The following DEPTOR variants were observed in gnomAD, a reference collection of about 807,000 sequenced individuals.
DEPTOR encodes DEP domain-containing mTOR-interacting protein.
DEPTOR carries 41 observed loss-of-function variants against 41.6 expected under a neutral mutation model. The ratio of observed to expected loss-of-function variants is 0.98; its 90% confidence interval spans 0.77 to 1.28. DEPTOR has a LOEUF of 1.28. Among genes scored for constraint, DEPTOR ranks in the 50% most tolerant of loss-of-function variants. The pLI is 0.00. For synonymous variants in DEPTOR, 195 were observed against 192.3 expected (o/e 1.01, Z -0.12); for missense variants, 514 against 527.9 (o/e 0.97, Z 0.26).
chr8:119,970,219 G>A (rs1828615186), intron 4 of DEPTOR, among the ~76,000 whole-genome samples: 1 of 152,156 alleles, frequency 6.6e-6, no homozygotes, highest in Non-Finnish European at 1.5e-5. Flanking sequence ...CATCTATAAA[G>A]GCATTAGGCT....
chr8:119,971,483 T>C (rs1279013437), intron 4 of DEPTOR, among the ~76,000 whole-genome samples: 1 of 152,150 alleles, frequency 6.6e-6, no homozygotes, highest in Non-Finnish European at 1.5e-5. Flanking sequence ...GTCCATTGGG[T>C]CAGCAGAGCA....
At chr8:120,029,391 A>AT (rs780543759) in intron 8 of DEPTOR, among the ~76,000 whole-genome samples, 1 of 151,604 alleles carries the variant, frequency 6.6e-6, no homozygotes, top group South Asian at 2.1e-4. Flanking sequence ...GTTTTATTTT[A>AT]TTTATTTATT....
chr8:120,034,604 C>T (rs758688519), intron 8 of DEPTOR, among the ~76,000 whole-genome samples: 3 of 151,702 alleles, frequency 2.0e-5, no homozygotes, highest in East Asian at 1.9e-4. Context: ...CCAGCCACCA[C>T]GCCTGGCTAA....
At chr8:119,928,359 GTCA>G in intron 1 of DEPTOR, 38 bp from the exon 2 acceptor site, 1 of 1,595,336 alleles carries the variant, frequency 6.3e-7, no homozygotes, top group Non-Finnish European at 8.6e-7. Context: ...AATTTGTGCT[GTCA>G]TCAGAATTTC....
intron 4 of DEPTOR, among the ~76,000 whole-genome samples, chr8:119,995,766 C>A (rs1812250882): frequency 6.6e-6 from 1 of 152,080 alleles, no homozygotes; most frequent in South Asian, 2.1e-4. Flanking sequence ...ATATTTCAAT[C>A]ACAATGTTAA....
intron 1 of DEPTOR, among the ~76,000 whole-genome samples, chr8:119,878,013 C>G (rs1411403354): frequency 6.6e-6 from 1 of 152,134 alleles, no homozygotes; most frequent in Non-Finnish European, 1.5e-5. Context: ...CTCACCGCAA[C>G]CTCTGCCTCC....
chr8:120,045,101 C>T (rs1449602461), intron 8 of DEPTOR, among the ~76,000 whole-genome samples: 1 of 152,166 alleles, frequency 6.6e-6, no homozygotes, highest in African/African-American at 2.4e-5. Flanking sequence ...GAGATGTGCT[C>T]AGGTGGCAGC....
intron 4 of DEPTOR, among the ~76,000 whole-genome samples, chr8:119,978,698 G>A (rs966931197): frequency 2.6e-5 from 4 of 152,054 alleles, no homozygotes; most frequent in Admixed American, 1.3e-4. Flanking sequence ...TCCTGTCTGG[G>A]ACCCAGGCTC....
At chr8:119,922,096 G>A (rs1448073530) in intron 1 of DEPTOR, among the ~76,000 whole-genome samples, 2 of 151,890 alleles carry the variant, frequency 1.3e-5, no homozygotes, top group Non-Finnish European at 2.9e-5. Flanking sequence ...AAAATTAGCT[G>A]GGCATGGTGG....
intron 8 of DEPTOR, among the ~76,000 whole-genome samples, chr8:120,025,770 G>C (rs978281688): frequency 6.6e-6 from 1 of 151,464 alleles, no homozygotes; most frequent in South Asian, 2.1e-4. Context: ...GTCCCCTTTC[G>C]TCTGCTCTTG....
rs376004976 is a variant in DEPTOR at position 119,961,169 on chromosome 8, C to T, written c.426-4063C>T. On this transcript the variant is annotated intron_variant, in intron 3 of 8. Coordinates refer to ENST00000286234, the MANE Select transcript of DEPTOR (RefSeq NM_022783.4). ...CAGTGGATCACGTCTGTAATCCCCGCCCTTTGGGAGGCTGAGGCGGGTGGA... is the reference window on the plus strand; with the variant it reads ...CAGTGGATCACGTCTGTAATCCCCGTCCTTTGGGAGGCTGAGGCGGGTGGA... Among the ~76,000 whole-genome samples the T allele has an allele frequency of 1.5e-3, 235 of 152,092 alleles. 1 individual carries two copies. In the East Asian group the frequency reaches 0.029, roughly 19 times the overall value.
intron 8 of DEPTOR, among the ~76,000 whole-genome samples, chr8:120,047,619 C>T (rs1698450605): frequency 6.6e-6 from 1 of 151,280 alleles, no homozygotes; most frequent in South Asian, 2.1e-4. Context: ...TCAAGTGATC[C>T]ACCTGCCTCG....
intron 4 of DEPTOR, among the ~76,000 whole-genome samples, chr8:119,968,182 A>C (rs2129977764): frequency 6.6e-6 from 1 of 152,224 alleles, no homozygotes; most frequent in African/African-American, 2.4e-5. Context: ...TCATTTATTT[A>C]TTTATTTTAT....
chr8:119,980,912 C>T (rs1290408655), intron 4 of DEPTOR, among the ~76,000 whole-genome samples: 4 of 152,096 alleles, frequency 2.6e-5, no homozygotes. Flanking sequence ...GTTTGGACAT[C>T]CATATAAAGT....
At chr8:119,997,122 A>AT (rs1457506397) in intron 4 of DEPTOR, among the ~76,000 whole-genome samples, 1 of 152,052 alleles carries the variant, frequency 6.6e-6, no homozygotes, top group African/African-American at 2.4e-5. Context: ...TTTATATTTT[A>AT]TTTTTTGAGA....
chr8:120,012,655 G>T (rs907276897), intron 8 of DEPTOR, among the ~76,000 whole-genome samples: 1 of 152,048 alleles, frequency 6.6e-6, no homozygotes, highest in South Asian at 2.1e-4. Flanking sequence ...TCCTGCCTCA[G>T]TCTCCCAAGT....
intron 3 of DEPTOR, among the ~76,000 whole-genome samples, chr8:119,947,844 A>G (rs568250171): frequency 1.3e-5 from 2 of 152,250 alleles, no homozygotes; most frequent in Admixed American, 6.5e-5. Flanking sequence ...CCTATAGGCA[A>G]TGAAGCATTT....
intron 8 of DEPTOR, among the ~76,000 whole-genome samples, chr8:120,025,670 C>A (rs1002946474): frequency 1.3e-5 from 2 of 152,106 alleles, no homozygotes; most frequent in South Asian, 2.1e-4. Context: ...ATTATAGATA[C>A]TTCCAGAATG....
intron 4 of DEPTOR, among the ~76,000 whole-genome samples, chr8:119,970,609 A>G (rs889056930): frequency 2.0e-5 from 3 of 152,186 alleles, no homozygotes; most frequent in Non-Finnish European, 4.4e-5. Context: ...TGAAACTATA[A>G]AATTAGAGTT....
Sources: allele counts gnomAD v4.1 joint callset (sites outside exome capture counted in the v4.1 genomes callset), GRCh38; gene constraint gnomAD v4.1.1; transcripts MANE v1.5; gene names NCBI Gene and HGNC (gene_info 2026-07-23, HGNC 2026-07-21).